The following MGAT5 variants were observed in gnomAD, a reference collection of about 807,000 sequenced individuals.
MGAT5 encodes alpha-1,6-mannosylglycoprotein 6-beta-N-acetylglucosaminyltransferase A.
A neutral mutation model predicts 94.3 loss-of-function variants in MGAT5; 30 were observed. The ratio of observed to expected loss-of-function variants is 0.32; its 90% CI spans 0.24 to 0.43. The LOEUF (loss-of-function observed/expected upper bound fraction) is 0.43, where lower values mean the gene tolerates loss of function less well. MGAT5 is among the 20% of genes least tolerant of loss of function. The pLI is 1.00. For missense variants in MGAT5, 691 were observed against 905.5 expected, an observed-to-expected ratio of 0.76 and a Z score of 3.04; for synonymous variants, 310 against 322.9, an observed-to-expected ratio of 0.96 and a Z score of 0.43.
At chr2:134,381,536 C>CAGACAGAT (rs59821586) in intron 10 of MGAT5, among the ~76,000 whole-genome samples, 39 of 146,960 alleles carry the variant, frequency 2.7e-4, no homozygotes, top group African/African-American at 7.0e-4. Flanking sequence ...GACAGACAGA[C>CAGACAGAT]AGATAGATAG....
At chr2:134,265,117 AC>A (rs1683629544) in intron 1 of MGAT5, among the ~76,000 whole-genome samples, 1 of 152,214 alleles carries the variant, frequency 6.6e-6, no homozygotes, top group African/African-American at 2.4e-5. Flanking sequence ...GCTAAGAACC[AC>A]TGCTTTAGAA....
At chr2:134,197,425 A>G (rs1679550221) in intron 1 of MGAT5, among the ~76,000 whole-genome samples, 1 of 152,206 alleles carries the variant, frequency 6.6e-6, no homozygotes, top group Non-Finnish European at 1.5e-5. Flanking sequence ...ACATTGAGTG[A>G]CTGGAAAAGC....
chr2:134,360,938 C>T (rs1010690463), intron 9 of MGAT5, among the ~76,000 whole-genome samples: 2 of 152,200 alleles, frequency 1.3e-5, no homozygotes, highest in Non-Finnish European at 1.5e-5. Context: ...GCCTGGGAAA[C>T]GGAGGGTGAC....
Position 134,275,578 on chromosome 2 carries a change from C to CTTTT in MGAT5, c.406+5050_406+5053dup, listed in dbSNP as rs11409592. On this transcript the variant is annotated intron_variant, in intron 2 of 15. Coordinates refer to ENST00000281923, the MANE Select transcript of MGAT5 (RefSeq NM_002410.5). ...TTCACAAATGAAGAGGTGCTATTTC[C>CTTTT]TTTTTTTTTTTTTTTTTTTTTTTTT... Among the ~76,000 whole-genome samples, 531 of 79,576 alleles carry CTTTT rather than the reference C, an allele frequency of 6.7e-3. 15 individuals carry two copies. Among genetic ancestry groups the CTTTT allele is most frequent in the African/African-American group, 0.015 (259 of 17,268 alleles). The allele number at this position is 79,576 out of a possible 152,430, so 52.2% of individuals were successfully genotyped here.
At chr2:134,349,205 A>G (rs1679202531) in intron 8 of MGAT5, among the ~76,000 whole-genome samples, 1 of 152,190 alleles carries the variant, frequency 6.6e-6, no homozygotes, top group Non-Finnish European at 1.5e-5. Flanking sequence ...TGGAATAGTA[A>G]ACAAAACATT....
At chr2:134,298,642 A>G (rs116294983) in intron 2 of MGAT5, among the ~76,000 whole-genome samples, 1,527 of 152,200 alleles carry the variant, frequency 0.01, 24 homozygotes, top group African/African-American at 0.035. Flanking sequence ...CAGATGTTGG[A>G]AGGTGTTTTC....
At chr2:134,143,104 G>A (rs935906745) in intron 1 of MGAT5, among the ~76,000 whole-genome samples, 2 of 152,092 alleles carry the variant, frequency 1.3e-5, no homozygotes, top group African/African-American at 2.4e-5. Context: ...GAATGGTAGC[G>A]GATGACTCAC....
intron 1 of MGAT5, among the ~76,000 whole-genome samples, chr2:134,207,110 A>G (rs555201096): frequency 6.6e-6 from 1 of 152,272 alleles, no homozygotes; most frequent in East Asian, 1.9e-4. Flanking sequence ...CAGCTTCTAG[A>G]GTCTGTCCAC....
In MGAT5 at chr2:134,254,605, G is replaced by A. The variant is rs1340790282; in HGVS notation, c.202G>A (p.Val68Met). The A allele has an allele frequency of 2.5e-6, 4 of 1,614,106 alleles. No homozygotes were observed. Among genetic ancestry groups the A allele is most frequent in the Non-Finnish European group, 3.4e-6 (4 of 1,180,044 alleles). ...IKALAEENRN[V>M]VDGPYAGVMT... ...GGCACTGGCAGAAGAAAACAGGAAT[G>A]TGGTGGATGGGCCATACGCTGGAGT... The change falls in exon 1 of 16, where the codon GTG becomes ATG. Residue 68 changes from valine (V) to methionine (M), a missense_variant. Physicochemically the swap from Val to Met is conservative, Grantham distance 21 (BLOSUM62 1). Around this residue, in one of 4 missense-constraint regions of MGAT5, gnomAD observed 307 missense variants for 335.4 expected, o/e 0.92. Coordinates refer to ENST00000281923, the MANE Select transcript of MGAT5 (RefSeq NM_002410.5).
At chr2:134,363,770 C>T (rs1185906485) in intron 10 of MGAT5, among the ~76,000 whole-genome samples, 1 of 152,160 alleles carries the variant, frequency 6.6e-6, no homozygotes, top group African/African-American at 2.4e-5. Flanking sequence ...GAAAGTCAGT[C>T]TAGATTGTAA....
intron 1 of MGAT5, among the ~76,000 whole-genome samples, chr2:134,153,184 T>A (rs765477286): frequency 1.3e-5 from 2 of 151,892 alleles, no homozygotes; most frequent in Non-Finnish European, 2.9e-5. Flanking sequence ...CCTCCCAGAG[T>A]GTTGGGATTA....
intron 11 of MGAT5, among the ~76,000 whole-genome samples, chr2:134,404,350 A>G (rs1683222514): frequency 6.6e-6 from 1 of 152,204 alleles, no homozygotes; most frequent in Admixed American, 6.5e-5. Flanking sequence ...CTTCATTTAT[A>G]AAAAGTGTAT....
chr2:134,216,796 A>G (rs551705293), intron 1 of MGAT5, among the ~76,000 whole-genome samples: 190 of 152,324 alleles, frequency 1.2e-3, no homozygotes, highest in African/African-American at 4.4e-3. Flanking sequence ...CAGTGAATGA[A>G]GCAGGTGAGA....
chr2:134,282,899 AGC>A (rs1684783097), intron 2 of MGAT5, among the ~76,000 whole-genome samples: 1 of 152,108 alleles, frequency 6.6e-6, no homozygotes. Context: ...TCTGTACAAC[AGC>A]CCAGGGCACA....
At chr2:134,246,103 G>T (rs1682243174) in intron 1 of MGAT5, among the ~76,000 whole-genome samples, 1 of 143,642 alleles carries the variant, frequency 7.0e-6, no homozygotes, top group South Asian at 2.3e-4. Flanking sequence ...ATTAAAATAA[G>T]ACTAGTTTAG....
chr2:134,283,816 GCTTCC>G (rs2105734877), intron 2 of MGAT5, among the ~76,000 whole-genome samples: 1 of 151,930 alleles, frequency 6.6e-6, no homozygotes, highest in African/African-American at 2.4e-5. Flanking sequence ...GAACGATACA[GCTTCC>G]CCCGGCCGCT....
At chr2:134,231,922 G>A (rs1026860223) in intron 1 of MGAT5, among the ~76,000 whole-genome samples, 1 of 152,154 alleles carries the variant, frequency 6.6e-6, no homozygotes, top group African/African-American at 2.4e-5. Flanking sequence ...TCTAGACAAA[G>A]ATCGTTCTGT....
chr2:134,324,197 T>C (rs1158408715), intron 4 of MGAT5, among the ~76,000 whole-genome samples: 1 of 152,184 alleles, frequency 6.6e-6, no homozygotes, highest in Non-Finnish European at 1.5e-5. Flanking sequence ...TATGCACTTC[T>C]GTTGCCATTG....
Position 134,379,464 on chromosome 2 carries a change from C to T in MGAT5, c.1380+17056C>T, listed in dbSNP as rs557448170. Among the ~76,000 whole-genome samples the T allele has an allele frequency of 2.0e-5, 3 of 152,318 alleles. No homozygotes were observed. In the South Asian group the frequency reaches 6.2e-4, roughly 32 times the overall value. Reference sequence around the variant, plus strand: ...CTTGCTAGGAAACATCTGTAACTTCCAATGGCTTCCCTTTGCCAGCTGGAT... The same window carrying T: ...CTTGCTAGGAAACATCTGTAACTTCTAATGGCTTCCCTTTGCCAGCTGGAT... On this transcript the variant is annotated intron_variant, in intron 10 of 15. Coordinates refer to ENST00000281923, the MANE Select transcript of MGAT5 (RefSeq NM_002410.5).
Sources: gnomAD v4.1 joint callset for allele counts (sites outside exome capture counted in the v4.1 genomes callset) on GRCh38, gnomAD v4.1.1 for gene constraint, gnomAD v4.1.1 regional missense constraint, MANE v1.5 for transcripts, NCBI Gene and HGNC (gene_info 2026-07-23, HGNC 2026-07-21) for gene names.